SCARA5: variants seen among roughly 807,000 people sequenced by gnomAD.
SCARA5 encodes the protein scavenger receptor class A member 5.
Under a neutral mutation model 46.3 loss-of-function variants are expected in SCARA5, and 45 were observed. That is an observed-to-expected ratio of 0.97 (90% CI 0.76 to 1.24). The LOEUF (loss-of-function observed/expected upper bound fraction) is 1.24. SCARA5 is among the 50% of genes most tolerant of loss of function. The probability of loss-of-function intolerance (pLI) is 0.00; values close to 1 mark genes in which losing one functional copy is unlikely to be tolerated. For missense variants in SCARA5, 680 were observed against 689.0 expected, an observed-to-expected ratio of 0.99 and a Z score of 0.15; for synonymous variants, 333 against 306.5, an observed-to-expected ratio of 1.09 and a Z score of -0.90.
chr8:27,903,354 G>A (rs1807192353), intron 7 of SCARA5: 1 of 152,236 alleles, frequency 6.6e-6, no homozygotes, highest in Non-Finnish European at 1.5e-5. Flanking sequence ...AAGAGTAATC[G>A]TGTAATGATC....
chr8:27,875,977 G>A (rs1232159997), intron 8 of SCARA5, among the ~76,000 whole-genome samples: 1 of 152,180 alleles, frequency 6.6e-6, no homozygotes, highest in Non-Finnish European at 1.5e-5. Flanking sequence ...CTCCATGGGT[G>A]ACAGAGGGAG....
intron 7 of SCARA5, among the ~76,000 whole-genome samples, chr8:27,884,077 G>A (rs889193945): frequency 9.9e-5 from 15 of 152,118 alleles, no homozygotes; most frequent in African/African-American, 2.9e-4. Context: ...CAGAGGAACC[G>A]AGGAAGCCAC....
At position 27,921,606 on chromosome 8, in the gene SCARA5, T is replaced by C. The variant is rs755918153; in HGVS notation, c.881A>G (p.His294Arg). The C allele has an allele frequency of 9.5e-6, 15 of 1,585,794 alleles. No homozygotes were observed. The African/African-American group carries it at 9.6e-5, about 10-fold the overall frequency. Residue 294 changes from histidine (H) to arginine (R), a missense_variant, in exon 4 of 9, where the codon CAC becomes CGC. By Grantham distance (29) the His-to-Arg change is conservative. Coordinates refer to ENST00000354914, the MANE Select transcript of SCARA5 (RefSeq NM_173833.6). ...TEDLRLKDWE[H>R]SIALRNISLA... ...GGAGATGTTCCGCAGTGCGATGGAG[T>C]GCTCCCAGTCCTTGAGGCGCAGGTC...
intron 3 of SCARA5, among the ~76,000 whole-genome samples, chr8:27,923,707 C>G (rs913577172): frequency 1.3e-5 from 2 of 152,192 alleles, no homozygotes; most frequent in African/African-American, 4.8e-5. Flanking sequence ...TCCCAAGTAG[C>G]TGGGACTACA....
chr8:27,881,683 G>A (rs979673099), intron 7 of SCARA5, among the ~76,000 whole-genome samples: 1 of 152,098 alleles, frequency 6.6e-6, no homozygotes, highest in African/African-American at 2.4e-5. Flanking sequence ...AATAAAAGTT[G>A]AAATAATAAA....
chr8:27,881,236 A>G (rs1195650130), intron 7 of SCARA5, among the ~76,000 whole-genome samples: 1 of 152,244 alleles, frequency 6.6e-6, no homozygotes, highest in Non-Finnish European at 1.5e-5. Context: ...AAAAAGACAC[A>G]TACACTCATA....
chr8:27,879,225 T>C (rs1380817970), intron 8 of SCARA5, among the ~76,000 whole-genome samples: 1 of 151,870 alleles, frequency 6.6e-6, no homozygotes, highest in Non-Finnish European at 1.5e-5. Context: ...AAAAACATAA[T>C]AGAGACATGA....
intron 8 of SCARA5, among the ~76,000 whole-genome samples, chr8:27,878,069 C>T (rs551528127): frequency 6.6e-6 from 1 of 152,320 alleles, no homozygotes; most frequent in African/African-American, 2.4e-5. Flanking sequence ...TCAGGCAAGA[C>T]AGCAGGTACG....
chr8:27,935,936 C>T (rs936115192), intron 3 of SCARA5, among the ~76,000 whole-genome samples: 4 of 152,126 alleles, frequency 2.6e-5, no homozygotes, highest in African/African-American at 9.7e-5. Context: ...TTTCGATAAG[C>T]CCTTTTTATT....
chr8:27,919,081 A>AAGGGAGGAGGAGGAGAGG (rs1807537095), intron 4 of SCARA5, among the ~76,000 whole-genome samples: 3 of 22,890 alleles, frequency 1.3e-4, no homozygotes, highest in East Asian at 1.2e-3. Flanking sequence ...AGGAGGAGAG[A>AAGGGAGGAGGAGGAGAGG]AGGGTGGAGG....
At chr8:27,949,053 C>T (rs1158303741) in intron 3 of SCARA5, among the ~76,000 whole-genome samples, 5 of 152,272 alleles carry the variant, frequency 3.3e-5, no homozygotes, top group Non-Finnish European at 7.3e-5. Context: ...TTGTCCCTCA[C>T]TTCGGGGTGC....
chr8:27,984,112 C>A (rs1445306234), intron 2 of SCARA5, among the ~76,000 whole-genome samples: 2 of 152,108 alleles, frequency 1.3e-5, no homozygotes, highest in Non-Finnish European at 2.9e-5. Flanking sequence ...TCCCTCCCTG[C>A]CTGGCCCCAC....
intron 7 of SCARA5, among the ~76,000 whole-genome samples, chr8:27,892,616 T>TTC (rs1417516136): frequency 2.0e-5 from 3 of 148,514 alleles, no homozygotes; most frequent in Admixed American, 1.3e-4. Context: ...CTTTTTTTTT[T>TTC]TTTTTTTTTT....
intron 2 of SCARA5, 77 bp from the exon 3 acceptor site, chr8:27,966,619 T>A (rs1461369588): frequency 6.9e-7 from 1 of 1,450,512 alleles, no homozygotes; most frequent in Admixed American, 2.3e-5. Flanking sequence ...TTTGGTCTCA[T>A]CTCTCCCTGA....
chr8:27,972,290 C>T (rs1038975337), intron 2 of SCARA5, among the ~76,000 whole-genome samples: 3 of 152,034 alleles, frequency 2.0e-5, no homozygotes, highest in African/African-American at 7.2e-5. Flanking sequence ...GCACTCCAGT[C>T]TGGGCGACAA....
At position 27,922,023 on chromosome 8, in the gene SCARA5, C is replaced by A. The variant is rs1187858807; in HGVS notation, c.464G>T (p.Gly155Val). 3.2e-6 allele frequency: 5 copies of A among 1,572,756 alleles called. No individual in the cohort carries two copies. Among genetic ancestry groups the A allele is most frequent in the Middle Eastern group, 1.7e-4 (1 of 5,996 alleles). ...AVQRLEGALW[G>V]LQAQAVQTEQ... ...GGTCTGCACCGCCTGCGCCTGCAGC[C>A]CCCACAGCGCGCCCTCCAGCCGCTG... The change falls in exon 4 of 9, where the codon GGG (glycine) becomes GTG (valine). Residue 155 changes from glycine to valine, a missense_variant. Around this residue, in one of 3 missense-constraint regions of SCARA5, gnomAD observed 438 missense variants for 384.5 expected, o/e 1.14. Coordinates refer to ENST00000354914, the MANE Select transcript of SCARA5 (RefSeq NM_173833.6).
chr8:27,938,605 C>T (rs1052091226), intron 3 of SCARA5, among the ~76,000 whole-genome samples: 5 of 152,198 alleles, frequency 3.3e-5, no homozygotes, highest in Middle Eastern at 3.2e-3. Flanking sequence ...AAGGGAAAAT[C>T]CTCATCGACA....
chr8:27,989,034 A>C (rs1169040204), intron 1 of SCARA5, among the ~76,000 whole-genome samples: 1 of 151,092 alleles, frequency 6.6e-6, no homozygotes, highest in Non-Finnish European at 1.5e-5. Flanking sequence ...AAATAGACAT[A>C]ATCAGGGAAG....
At chr8:27,977,957 A>C (rs532831311) in intron 2 of SCARA5, among the ~76,000 whole-genome samples, 2 of 152,184 alleles carry the variant, frequency 1.3e-5, no homozygotes, top group Non-Finnish European at 2.9e-5. Context: ...TCAAAATGAT[A>C]ATATATTGGA....
Sources: allele counts gnomAD v4.1 joint callset (sites outside exome capture counted in the v4.1 genomes callset), GRCh38; gene constraint gnomAD v4.1.1; regional missense constraint gnomAD v4.1.1; transcripts MANE v1.5; gene names NCBI Gene and HGNC (gene_info 2026-07-23, HGNC 2026-07-21).